The following WASF3 variants were observed in gnomAD, a reference collection of about 807,000 sequenced individuals.
The protein encoded by WASF3 is actin-binding protein WASF3.
Under a neutral mutation model 46.6 loss-of-function variants are expected in WASF3, and 11 were observed. The ratio of observed to expected loss-of-function variants is 0.24; its 90% CI spans 0.15 to 0.39. WASF3 has a LOEUF of 0.39. WASF3 is among the 10% of genes least tolerant of loss of function. WASF3 has a pLI of 1.00. For missense variants in WASF3, 576 were observed against 669.8 expected, an observed-to-expected ratio of 0.86 and a Z score of 1.55; for synonymous variants, 242 against 259.7, an observed-to-expected ratio of 0.93 and a Z score of 0.65.
At chr13:26,653,733 G>T (rs1156945651) in intron 3 of WASF3, among the ~76,000 whole-genome samples, 1 of 152,168 alleles carries the variant, frequency 6.6e-6, no homozygotes, top group Non-Finnish European at 1.5e-5. Flanking sequence ...CAGGTTCCAT[G>T]GCTCAAAGTA....
intron 1 of WASF3, among the ~76,000 whole-genome samples, chr13:26,563,654 CA>C (rs34374716): frequency 0.019 from 900 of 46,964 alleles, 1 homozygote; most frequent in Middle Eastern, 0.036. Flanking sequence ...GACTCCATCT[CA>C]AAAAAAAAAA....
intron 3 of WASF3, among the ~76,000 whole-genome samples, chr13:26,643,498 A>G (rs1335327443): frequency 1.3e-5 from 2 of 152,222 alleles, no homozygotes; most frequent in Non-Finnish European, 2.9e-5. Flanking sequence ...ATTACATAAA[A>G]TGTTTTTTAA....
At chr13:26,657,516 G>A (rs1004295627) in intron 3 of WASF3, among the ~76,000 whole-genome samples, 7 of 152,092 alleles carry the variant, frequency 4.6e-5, no homozygotes, top group South Asian at 2.1e-4. Context: ...AGCCTCTCCC[G>A]GGTTACATTC....
chr13:26,556,099 C>T (rs1879091107), upstream of WASF3, among the ~76,000 whole-genome samples: 2 of 152,160 alleles, frequency 1.3e-5, no homozygotes, highest in African/African-American at 4.8e-5. Context: ...CCTCATGGAA[C>T]TGATGATCTA....
At chr13:26,648,646 A>C (rs1342787354) in intron 3 of WASF3, among the ~76,000 whole-genome samples, 1 of 152,192 alleles carries the variant, frequency 6.6e-6, no homozygotes, top group African/African-American at 2.4e-5. Flanking sequence ...AGTTAAGATA[A>C]AATATATTGA....
At chr13:26,674,821 T>G (rs1459440637) in intron 6 of WASF3, among the ~76,000 whole-genome samples, 1 of 152,214 alleles carries the variant, frequency 6.6e-6, no homozygotes, top group Middle Eastern at 3.2e-3. Flanking sequence ...TTTTGAAAGA[T>G]AGAATTATAT....
chr13:26,562,763 G>T (rs1049953860), intron 1 of WASF3, among the ~76,000 whole-genome samples: 56 of 151,068 alleles, frequency 3.7e-4, no homozygotes, highest in Admixed American at 1.1e-3. Context: ...AGGGAAGCTG[G>T]TTCTTTCCCA....
At chr13:26,552,164 G>A in the WASF3 span, among the ~76,000 whole-genome samples, 1 of 152,220 alleles carries the variant, frequency 6.6e-6, no homozygotes, top group African/African-American at 2.4e-5. Flanking sequence ...AAATATCAGT[G>A]AGTCTTGGCT....
At chr13:26,652,380 A>G (rs1402210375) in intron 3 of WASF3, among the ~76,000 whole-genome samples, 2 of 152,224 alleles carry the variant, frequency 1.3e-5, no homozygotes, top group African/African-American at 4.8e-5. Flanking sequence ...GAATAAAAAT[A>G]GAACTGAGGG....
intron 8 of WASF3, among the ~76,000 whole-genome samples, chr13:26,681,937 T>G (rs186199217): frequency 2.0e-5 from 3 of 152,328 alleles, no homozygotes; most frequent in Admixed American, 2.0e-4. Flanking sequence ...TTACCGTGTG[T>G]TGGTGTCCAC....
At chr13:26,616,869 C>T (rs1285718749) in intron 2 of WASF3, among the ~76,000 whole-genome samples, 2 of 152,100 alleles carry the variant, frequency 1.3e-5, no homozygotes, top group East Asian at 1.9e-4. Flanking sequence ...GGGGTGTAGT[C>T]AAAGGCCTCA....
intron 1 of WASF3, among the ~76,000 whole-genome samples, chr13:26,595,970 T>C (rs2137192113): frequency 6.6e-6 from 1 of 152,360 alleles, no homozygotes; most frequent in Non-Finnish European, 1.5e-5. Flanking sequence ...TACAGGTTTT[T>C]CTATGAATAT....
rs1476261484 is a variant in WASF3, at chr13:26,683,113, T to TTTTTG, written c.1351+150_1351+154dup. 14 of 1,274,464 alleles carry TTTTTG rather than the reference T, an allele frequency of 1.1e-5. No individual in the cohort carries two copies. In the East Asian group the frequency reaches 3.0e-4, roughly 27 times the overall value. 78.9% of individuals were successfully genotyped at this position (1,274,464 alleles called of 1,614,324 possible). ...AGAGTTAAAGGGGTCTTACTTGATT[T>TTTTTG]TTTTGTTTTGTTTTGAATAGTAGTT... On this transcript the variant is annotated intron_variant, in intron 9 of 9. Transcript: ENST00000335327.
intron 3 of WASF3, among the ~76,000 whole-genome samples, chr13:26,658,942 C>G (rs888575950): frequency 1.3e-5 from 2 of 152,186 alleles, no homozygotes; most frequent in African/African-American, 4.8e-5. Flanking sequence ...CAGGCATGCT[C>G]TAGACATTGG....
intron 1 of WASF3, among the ~76,000 whole-genome samples, chr13:26,585,604 G>C (rs1880105860): frequency 6.6e-6 from 1 of 152,106 alleles, no homozygotes; most frequent in Admixed American, 6.5e-5. Context: ...TTCATCTCAG[G>C]TTTGGCATAA....
chr13:26,591,047 C>G (rs920348574), intron 1 of WASF3, among the ~76,000 whole-genome samples: 2 of 149,602 alleles, frequency 1.3e-5, no homozygotes, highest in Non-Finnish European at 3.0e-5. Flanking sequence ...GTGGGTGGGG[C>G]GGAACATTCC....
At chr13:26,668,521 G>A (rs1022254998) in intron 5 of WASF3, among the ~76,000 whole-genome samples, 1 of 152,224 alleles carries the variant, frequency 6.6e-6, no homozygotes, top group Non-Finnish European at 1.5e-5. Context: ...AGGAGCCTGC[G>A]AGTTCTCCAC....
chr13:26,676,582 G>A lies in WASF3; in HGVS notation c.574G>A (p.Val192Met), dbSNP rs745398171. 5.6e-6 allele frequency: 9 copies of A among 1,614,148 alleles called. 1 individual carries two copies. In the South Asian group the frequency reaches 8.8e-5, roughly 16 times the overall value. ...GCGTATAGATGGCACCACCCGTGAG[G>A]TGAAAAAGGTTAGAAAAGCCAGAAA... Reference protein sequence around the residue: ...QKRIDGTTREVKKVRKARNRR... With the variant: ...QKRIDGTTREMKKVRKARNRR... The change falls in exon 7 of 10, where the codon GTG becomes ATG. Residue 192 changes from valine to methionine, a missense_variant. This residue lies in a region of WASF3 where 213 missense variants were observed against 278.0 expected (regional missense o/e 0.77). Transcript: ENST00000335327.
At chr13:26,574,994 G>A (rs560530102) in intron 1 of WASF3, among the ~76,000 whole-genome samples, 41 of 151,950 alleles carry the variant, frequency 2.7e-4, no homozygotes, top group African/African-American at 7.2e-4. Context: ...CTGCCACCAC[G>A]CCCGGCTAAT....
Sources: gnomAD v4.1 joint callset for allele counts (sites outside exome capture counted in the v4.1 genomes callset) on GRCh38, gnomAD v4.1.1 for gene constraint, gnomAD v4.1.1 regional missense constraint, MANE v1.5 for transcripts, NCBI Gene and HGNC (gene_info 2026-07-23, HGNC 2026-07-21) for gene names.